MTREX: variants seen among roughly 807,000 people sequenced by gnomAD.
MTREX encodes the protein Mtr4 exosome RNA helicase, also known as exosome RNA helicase MTR4.
A neutral mutation model predicts 135.4 loss-of-function variants in MTREX; 76 were observed. The observed-to-expected ratio is 0.56, with a 90% confidence interval of 0.47 to 0.68. MTREX has a LOEUF of 0.68. Ranked by LOEUF, MTREX falls within the 30% of genes least tolerant of loss-of-function variation. The probability of loss-of-function intolerance (pLI) is 0.00; values close to 1 mark genes in which losing one functional copy is unlikely to be tolerated. For synonymous variants in MTREX, 404 were observed against 401.6 expected, an observed-to-expected ratio of 1.01 and a Z score of -0.07; for missense variants, 920 against 1,262.1, an observed-to-expected ratio of 0.73 and a Z score of 4.11.
chr5:55,402,872 G>GTA (rs1554034711), intron 21 of MTREX, among the ~76,000 whole-genome samples: 55 of 138,834 alleles, frequency 4.0e-4, no homozygotes, highest in East Asian at 1.2e-3. Context: ...GTGTGTGTGT[G>GTA]TATATATATA....
At chr5:55,343,264 T>G in intron 7 of MTREX, 67 bp from the exon 8 acceptor site, 2 of 1,344,466 alleles carry the variant, frequency 1.5e-6, no homozygotes, top group South Asian at 1.4e-5. Flanking sequence ...GAATATAATT[T>G]TAGATATTAT....
chr5:55,330,583 C>G (rs2112042744), intron 5 of MTREX, among the ~76,000 whole-genome samples: 1 of 151,326 alleles, frequency 6.6e-6, no homozygotes, highest in South Asian at 2.1e-4. Flanking sequence ...ACTTCCTGGT[C>G]TCTTTGATGG....
At position 55,391,020 on chromosome 5, in the gene MTREX, T is replaced by C. The variant is rs141378093; in HGVS notation, c.2181+2918T>C. 3.9e-4 allele frequency among the ~76,000 whole-genome samples: 60 copies of C among 152,366 alleles called. 1 individual carries two copies. The highest frequency in any genetic ancestry group is 1.4e-3 in the African/African-American group (57 of 41,584). ...ATTAATTACTATTTTTCTCTGTGTA[T>C]AGGTCATACTTTATTAATTTCTTTA... On this transcript the variant is annotated intron_variant, in intron 19 of 26. Coordinates refer to ENST00000230640, the MANE Select transcript of MTREX (RefSeq NM_015360.5).
At chr5:55,349,795 A>G (rs1237404305) in intron 12 of MTREX, 143 bp downstream of exon 12, 1 of 513,786 alleles carries the variant, frequency 1.9e-6, no homozygotes, top group Non-Finnish European at 3.5e-6. Context: ...TGATACTTTG[A>G]CTTTTACTTT....
Position 55,340,010 on chromosome 5 carries a change from G to A in MTREX, c.516G>A (p.Glu172=). The A allele has an allele frequency of 1.3e-6, 2 of 1,510,382 alleles. No homozygotes were observed. The highest frequency in any genetic ancestry group is 2.5e-5 in the East Asian group (1 of 40,770). The allele number at this position is 1,510,382 out of a possible 1,614,324, so 93.6% of individuals were successfully genotyped here. A position where few individuals can be genotyped will look rare whatever the true frequency, so the allele number is the denominator to read the frequency against. The change falls in exon 6 of 27, where the codon GAG becomes GAA. Residue 172 remains glutamate, a splice_region_variant and synonymous_variant. Coordinates refer to ENST00000230640, the MANE Select transcript of MTREX (RefSeq NM_015360.5). ...HTSAGKTVCA[E]YAIALALREK... Reference sequence around the variant, plus strand: ...TGATTATTTGTTTTCACATTTGTAGGTATGCCATTGCATTGGCCTTAAGGG... The same window carrying A: ...TGATTATTTGTTTTCACATTTGTAGATATGCCATTGCATTGGCCTTAAGGG...
Position 55,353,172 on chromosome 5 carries a change from T to A in MTREX, c.1436T>A (p.Leu479Ter), listed in dbSNP as rs1396281854. The A allele has an allele frequency of 6.3e-7, 1 of 1,590,672 alleles. No individual in the cohort carries two copies. The highest frequency in any genetic ancestry group is 1.2e-5 in the South Asian group (1 of 86,564). ...TAGAATTACTTATTTACTTAGGCCT[T>A]ATTTGCCACGGAGACCTTTGCTATG... ...ILFSEGLIKA[L>*]FATETFAMGI... is the part of the protein sequence containing the mutation. The change falls in exon 14 of 27, where the codon TTA (leucine) becomes TAA (stop). Residue 479 changes from leucine to a stop codon, truncating the protein, a stop_gained. Transcript: ENST00000230640. LOFTEE classifies it high-confidence loss of function.
intron 1 of MTREX, among the ~76,000 whole-genome samples, chr5:55,313,620 C>T (rs1027851671): frequency 6.6e-6 from 1 of 152,084 alleles, no homozygotes; most frequent in Admixed American, 6.5e-5. Context: ...TAGTTCTTTT[C>T]TCTAAATGTT....
At chr5:55,388,175 T>C in intron 19 of MTREX, 73 bp downstream of exon 19, 1 of 1,372,712 alleles carries the variant, frequency 7.3e-7, no homozygotes, top group African/African-American at 1.4e-5. Flanking sequence ...AGTTCTCCAA[T>C]GTGATGGTAA....
At chr5:55,323,023 TCCTC>T (rs1749313827) in intron 2 of MTREX, among the ~76,000 whole-genome samples, 1 of 152,188 alleles carries the variant, frequency 6.6e-6, no homozygotes, top group South Asian at 2.1e-4. Flanking sequence ...ACAACTTTGC[TCCTC>T]CCTTCTAATG....
At chr5:55,361,426 A>G (rs769187419) in intron 15 of MTREX, among the ~76,000 whole-genome samples, 4 of 152,228 alleles carry the variant, frequency 2.6e-5, no homozygotes, top group South Asian at 2.1e-4. Flanking sequence ...ATCTCAGTAC[A>G]TTCATACACA....
chr5:55,408,922 TTTATTTATTTA>T (rs1561211644), intron 22 of MTREX, among the ~76,000 whole-genome samples: 5 of 3,232 alleles, frequency 1.5e-3, no homozygotes, highest in East Asian at 2.7e-3. Flanking sequence ...AATATTTTTA[TTTATTTATTTA>T]TTTATTTATT....
rs1258082995 is a variant in MTREX at position 55,410,542 on chromosome 5, A to G, written c.2664A>G (p.Leu888=). 2 of 1,608,884 alleles carry G rather than the reference A, an allele frequency of 1.2e-6. No individual in the cohort carries two copies. The highest frequency in any genetic ancestry group is 4.5e-5 in the East Asian group (2 of 44,668). ...ATTGTAGTGCTGATGAGCTCCTTCT[A>G]ACTGAGATGATGTTTAATGGCCTTT... The part of the protein sequence containing the change: ...CEISSADELL[L]TEMMFNGLFN... Residue 888 remains leucine (L), a synonymous_variant, in exon 23 of 27, where the codon CTA becomes CTG. Coordinates refer to ENST00000230640, the MANE Select transcript of MTREX (RefSeq NM_015360.5).
chr5:55,406,685 T>C (rs182459509), intron 22 of MTREX, among the ~76,000 whole-genome samples: 42 of 152,326 alleles, frequency 2.8e-4, no homozygotes, highest in Non-Finnish European at 4.6e-4. Flanking sequence ...GTGTCTACAC[T>C]GTTCAGTATA....
intron 8 of MTREX, 149 bp downstream of exon 8, chr5:55,343,604 A>T: frequency 1.5e-6 from 1 of 683,144 alleles, no homozygotes; most frequent in East Asian, 2.9e-5. Flanking sequence ...CAAGCAGCTT[A>T]TCAAAATCAA....
chr5:55,391,628 C>CG, intron 19 of MTREX, among the ~76,000 whole-genome samples: 1 of 152,310 alleles, frequency 6.6e-6, no homozygotes, highest in Admixed American at 6.5e-5. Flanking sequence ...GACTAAAACT[C>CG]TGACTGCTGT....
At chr5:55,406,364 C>T (rs1460591149) in intron 22 of MTREX, among the ~76,000 whole-genome samples, 1 of 152,188 alleles carries the variant, frequency 6.6e-6, no homozygotes, top group Admixed American at 6.5e-5. Context: ...TCTGTTAGAG[C>T]TTCTCCATGT....
chr5:55,402,872 G>GTGTGTGTGTATATA (rs70992784), intron 21 of MTREX, among the ~76,000 whole-genome samples: 1 of 138,778 alleles, frequency 7.2e-6, no homozygotes, highest in African/African-American at 2.7e-5. Context: ...GTGTGTGTGT[G>GTGTGTGTGTATATA]TATATATATA....
Position 55,405,486 on chromosome 5 carries a change from T to C in MTREX, c.2543T>C (p.Met848Thr), listed in dbSNP as rs994133363. ...AAGAAAGCAAGAACAGTCCTACAAA[T>C]GGATGAACTCAAATGTCGCAAACGT... ...ELKKARTVLQ[M>T]DELKCRKRVL... The change falls in exon 22 of 27, where the codon ATG becomes ACG. Residue 848 changes from methionine (M) to threonine (T), a missense_variant. Met to Thr is a moderately conservative substitution (Grantham distance 81, BLOSUM62 -1). Transcript: ENST00000230640. The C allele has an allele frequency of 3.7e-6, 6 of 1,613,902 alleles. No individual in the cohort carries two copies. The highest frequency in any genetic ancestry group is 5.1e-6 in the Non-Finnish European group (6 of 1,179,912).
At chr5:55,318,745 A>G (rs1404987470) in intron 1 of MTREX, among the ~76,000 whole-genome samples, 1 of 152,136 alleles carries the variant, frequency 6.6e-6, no homozygotes, top group East Asian at 1.9e-4. Context: ...AAACCTTCAC[A>G]TGTACCCCAA....
Sources: allele counts gnomAD v4.1 joint callset (sites outside exome capture counted in the v4.1 genomes callset), GRCh38; gene constraint gnomAD v4.1.1; transcripts MANE v1.5; gene names NCBI Gene and HGNC (gene_info 2026-07-23, HGNC 2026-07-21).